The following NINL variants were observed in gnomAD, a reference collection of about 807,000 sequenced individuals.
NINL encodes ninein like, also known as ninein-like protein.
In NINL, 153 loss-of-function variants were observed where a neutral mutation model predicts 160.3. The ratio of observed to expected loss-of-function variants is 0.95; its 90% CI spans 0.84 to 1.09. The LOEUF is 1.09. Among genes scored for constraint, NINL ranks in the 50% least tolerant of loss-of-function variants. The pLI is 0.00. For missense variants in NINL, 1,829 were observed against 1,764.0 expected (o/e 1.04, Z -0.66); for synonymous variants, 800 against 734.8 (o/e 1.09, Z -1.43).
At position 25,476,643 on chromosome 20, in the gene NINL, TG is replaced by T; in HGVS notation, c.2647del (p.Gln883ArgfsTer80). 1.3e-6 allele frequency: 2 copies of T among 1,589,112 alleles called. No homozygotes were observed. The highest frequency in any genetic ancestry group is 8.5e-7 in the Non-Finnish European group (1 of 1,173,964). Reference sequence around the variant, plus strand: ...CGGGCTCTGCGTAGCTTCTGTGTCCTGGGCTTGCCTGCGGCGAGGCCCGGCT... The same window carrying T: ...CGGGCTCTGCGTAGCTTCTGTGTCCTGGCTTGCCTGCGGCGAGGCCCGGCT... ...AGAGPRRRQA[Q>X]DTEATQSPAP... On this transcript the variant is annotated frameshift_variant, in exon 17 of 24. Transcript: ENST00000278886. LOFTEE classifies it high-confidence loss of function.
intron 21 of NINL, chr20:25,458,941 C>T (rs753681679): frequency 1.1e-4 from 18 of 167,582 alleles, no homozygotes; most frequent in African/African-American, 3.3e-4. Context: ...CCAGACAACA[C>T]GGACTGCTGA....
intron 1 of NINL, among the ~76,000 whole-genome samples, chr20:25,545,207 G>C (rs544591993): frequency 9.2e-5 from 14 of 152,226 alleles, no homozygotes; most frequent in Admixed American, 9.2e-4. Flanking sequence ...CCTTGAGCTG[G>C]TGCCCAGTAA....
At chr20:25,494,397 A>G (rs540030343) in intron 10 of NINL, among the ~76,000 whole-genome samples, 1 of 151,774 alleles carries the variant, frequency 6.6e-6, no homozygotes, top group South Asian at 2.1e-4. Flanking sequence ...GGCCCCATGT[A>G]CACGTACTGC....
chr20:25,568,111 G>GA (rs567475045), intron 1 of NINL, among the ~76,000 whole-genome samples: 2 of 149,226 alleles, frequency 1.3e-5, no homozygotes, highest in Non-Finnish European at 3.0e-5. Flanking sequence ...AAAAGTAATA[G>GA]AAAAAAAATC....
intron 1 of NINL, among the ~76,000 whole-genome samples, chr20:25,571,314 C>T (rs1263914183): frequency 6.6e-6 from 1 of 152,216 alleles, no homozygotes; most frequent in Non-Finnish European, 1.5e-5. Context: ...GGGTTTCCCT[C>T]CCTGTCTCAC....
At chr20:25,491,054 A>G (rs892595254) in intron 11 of NINL, among the ~76,000 whole-genome samples, 1 of 152,230 alleles carries the variant, frequency 6.6e-6, no homozygotes, top group African/African-American at 2.4e-5. Flanking sequence ...CTGGGGTTGA[A>G]GCAGTGCTGG....
At chr20:25,579,044 A>T (rs901497997) in intron 1 of NINL, among the ~76,000 whole-genome samples, 5 of 152,202 alleles carry the variant, frequency 3.3e-5, no homozygotes, top group African/African-American at 9.7e-5. Flanking sequence ...CTCAACCAGC[A>T]TGTGTAGACA....
At chr20:25,469,595 C>G (rs1314142025) in intron 18 of NINL, among the ~76,000 whole-genome samples, 2 of 152,026 alleles carry the variant, frequency 1.3e-5, no homozygotes, top group African/African-American at 4.8e-5. Context: ...AGAGCTGAAG[C>G]TGTTATCAGG....
chr20:25,495,744 T>C (rs148214275), intron 10 of NINL, among the ~76,000 whole-genome samples: 2 of 152,178 alleles, frequency 1.3e-5, no homozygotes, highest in Non-Finnish European at 2.9e-5. Flanking sequence ...ACCAATGACG[T>C]AGAGAAGCCC....
At position 25,462,426 on chromosome 20, in the gene NINL, A is replaced by T; in HGVS notation, c.3539T>A (p.Leu1180Ter). 1 of 1,614,132 alleles carries T rather than the reference A, an allele frequency of 6.2e-7. No individual in the cohort carries two copies. The highest frequency in any genetic ancestry group is 8.5e-7 in the Non-Finnish European group (1 of 1,180,026). The change falls in exon 20 of 24, where the codon TTA (leucine) becomes TAA (stop). Residue 1180 changes from leucine (L) to a stop codon, truncating the protein, a stop_gained. Coordinates refer to ENST00000278886, the MANE Select transcript of NINL (RefSeq NM_025176.6). LOFTEE classifies it high-confidence loss of function. ...NEEHRVTIQMLTQSLEEVVRS... is the reference protein window; with the variant it reads ...NEEHRVTIQM ...AACCACCTCCTCCAGGCTCTGTGTT[A>T]ACATCTGAATGGTCACACGATGCTC... is the stretch of plus-strand genomic sequence containing the variant.
chr20:25,483,706 G>T (rs944072903), intron 13 of NINL, among the ~76,000 whole-genome samples: 1 of 152,256 alleles, frequency 6.6e-6, no homozygotes, highest in African/African-American at 2.4e-5. Flanking sequence ...GCTTAATTGT[G>T]CTCCCACTTT....
intron 21 of NINL, among the ~76,000 whole-genome samples, chr20:25,460,028 G>A (rs1027816488): frequency 2.6e-5 from 4 of 152,176 alleles, no homozygotes; most frequent in South Asian, 2.1e-4. Flanking sequence ...AGGGCCCTGT[G>A]AGTCCCCATC....
At chr20:25,462,138 A>G (rs1456325984) in intron 20 of NINL, among the ~76,000 whole-genome samples, 2 of 152,146 alleles carry the variant, frequency 1.3e-5, no homozygotes, top group Non-Finnish European at 1.5e-5. Flanking sequence ...ATTTTGCCAA[A>G]CTGCCCTCGG....
intron 1 of NINL, among the ~76,000 whole-genome samples, chr20:25,580,790 C>A (rs2147208097): frequency 6.6e-6 from 1 of 152,334 alleles, no homozygotes. Context: ...CCAAATAGCT[C>A]CAGGTAGAGT....
chr20:25,555,598 G>T (rs1212097053), intron 1 of NINL, among the ~76,000 whole-genome samples: 4 of 152,188 alleles, frequency 2.6e-5, no homozygotes, highest in Admixed American at 6.5e-5. Flanking sequence ...AGACGTGGTG[G>T]CTTCTGCCTG....
At chr20:25,566,651 C>T (rs1249732200) in intron 1 of NINL, among the ~76,000 whole-genome samples, 2 of 152,036 alleles carry the variant, frequency 1.3e-5, no homozygotes, top group African/African-American at 4.8e-5. Flanking sequence ...GTAACAGACC[C>T]GGCATGGTAA....
intron 1 of NINL, among the ~76,000 whole-genome samples, chr20:25,549,524 C>T (rs2064781749): frequency 6.6e-6 from 1 of 152,254 alleles, no homozygotes; most frequent in South Asian, 2.1e-4. Flanking sequence ...AATGGACCCT[C>T]CATCAATGTC....
chr20:25,472,206 A>G (rs1255425142), intron 17 of NINL, among the ~76,000 whole-genome samples: 1 of 151,708 alleles, frequency 6.6e-6, no homozygotes, highest in Non-Finnish European at 1.5e-5. Flanking sequence ...ATAGGTATGT[A>G]AAAAATACCC....
intron 17 of NINL, among the ~76,000 whole-genome samples, chr20:25,475,235 C>T (rs779253739): frequency 2.0e-5 from 3 of 151,640 alleles, no homozygotes; most frequent in African/African-American, 7.3e-5. Flanking sequence ...GGCCACACAG[C>T]GAGACTCTGT....
Sources: allele counts gnomAD v4.1 joint callset (sites outside exome capture counted in the v4.1 genomes callset), GRCh38; gene constraint gnomAD v4.1.1; transcripts MANE v1.5; gene names NCBI Gene and HGNC (gene_info 2026-07-23, HGNC 2026-07-21).